Variants in GTF2F2 observed in about 807,000 individuals in gnomAD.
GTF2F2 encodes the protein ATP-dependent helicase GTF2F2.
A neutral mutation model predicts 42.2 loss-of-function variants in GTF2F2; 23 were observed. That is an observed-to-expected ratio of 0.55 (90% CI 0.39 to 0.77). GTF2F2 has a LOEUF of 0.77. Among genes scored for constraint, GTF2F2 ranks in the 30% least tolerant of loss-of-function variants. The pLI, the probability that GTF2F2 is intolerant of heterozygous loss-of-function variation, is 0.00. For missense variants in GTF2F2, 261 were observed against 287.2 expected (o/e 0.91, Z 0.66); for synonymous variants, 105 against 100.8 (o/e 1.04, Z -0.25).
chr13:45,164,340 T>A (rs1871167520), intron 4 of GTF2F2, among the ~76,000 whole-genome samples: 1 of 152,046 alleles, frequency 6.6e-6, no homozygotes, highest in South Asian at 2.1e-4. Flanking sequence ...AGTAATTCCC[T>A]TGGAACAAAG....
At chr13:45,200,163 A>T (rs1873104172) in intron 4 of GTF2F2, among the ~76,000 whole-genome samples, 1 of 152,144 alleles carries the variant, frequency 6.6e-6, no homozygotes. Context: ...GAAATATTTG[A>T]GCAGCTCTGT....
At chr13:45,276,466 C>T (rs1877040418) in intron 7 of GTF2F2, among the ~76,000 whole-genome samples, 1 of 147,302 alleles carries the variant, frequency 6.8e-6, no homozygotes, top group Admixed American at 6.7e-5. Flanking sequence ...GATGGAGTCT[C>T]GCTCTTACCA....
intron 4 of GTF2F2, among the ~76,000 whole-genome samples, chr13:45,165,333 T>TATATA (rs1566120046): frequency 1.5e-5 from 2 of 129,314 alleles, no homozygotes; most frequent in Admixed American, 7.5e-5. Context: ...ATATATATAT[T>TATATA]TTTTTTTTCT....
rs762824433 is a variant in GTF2F2 at position 45,235,193 on chromosome 13, TAG to T, written c.387-17677_387-17676del. Among the ~76,000 whole-genome samples the T allele has an allele frequency of 7.0e-4, 106 of 151,996 alleles. 1 individual carries two copies. Among genetic ancestry groups the T allele is most frequent in the Non-Finnish European group, 1.9e-4 (13 of 68,004 alleles). The stretch of plus-strand genomic sequence containing the variant: ...GTCAATATGGTAAACTTATAAATAT[TAG>T]TGTTTCTGTTATGAAACTGAATTAA... On this transcript the variant is annotated intron_variant, in intron 5 of 7. Transcript: ENST00000340473.
chr13:45,260,851 C>CT (rs1300456852), intron 6 of GTF2F2, among the ~76,000 whole-genome samples: 1 of 152,018 alleles, frequency 6.6e-6, no homozygotes, highest in Non-Finnish European at 1.5e-5. Context: ...GCAGTATAGC[C>CT]AGACCTACCT....
intron 4 of GTF2F2, among the ~76,000 whole-genome samples, chr13:45,161,571 G>A (rs1015420218): frequency 1.3e-5 from 2 of 152,186 alleles, no homozygotes; most frequent in Non-Finnish European, 2.9e-5. Context: ...GCCGGGCACC[G>A]TGGCTCAGGC....
rs184073135 is a variant in GTF2F2 at position 45,201,719 on chromosome 13, A to G, written c.305-5705A>G. Among the ~76,000 whole-genome samples the G allele has an allele frequency of 4.7e-3, 723 of 152,320 alleles. 2 individuals carry two copies. The highest frequency in any genetic ancestry group is 7.0e-3 in the Non-Finnish European group (477 of 68,006). ...ACTCAATAAGATTCTTTTGGTTGCA[A>G]GTAGCAGAAACCAGTCAACAAACCA... On this transcript the variant is annotated intron_variant, in intron 4 of 7. Coordinates refer to ENST00000340473, the MANE Select transcript of GTF2F2 (RefSeq NM_004128.3).
chr13:45,177,498 C>T (rs1314571249), intron 4 of GTF2F2, among the ~76,000 whole-genome samples: 1 of 152,190 alleles, frequency 6.6e-6, no homozygotes, highest in Non-Finnish European at 1.5e-5. Flanking sequence ...TGTGAATCCT[C>T]CCTTTGTCCA....
At chr13:45,165,572 C>G (rs562455333) in intron 4 of GTF2F2, among the ~76,000 whole-genome samples, 1,797 of 150,600 alleles carry the variant, frequency 0.012, 38 homozygotes, top group African/African-American at 0.037. Flanking sequence ...CCCTCGCCCC[C>G]CCCCGCCGCC....
At chr13:45,238,949 A>G (rs1875142190) in intron 5 of GTF2F2, among the ~76,000 whole-genome samples, 1 of 151,768 alleles carries the variant, frequency 6.6e-6, no homozygotes, top group Admixed American at 6.6e-5. Context: ...CATCTCGAAA[A>G]AAAAAAAAAA....
chr13:45,194,107 C>T, intron 4 of GTF2F2: 1 of 1,614,048 alleles, frequency 6.2e-7, no homozygotes, highest in Non-Finnish European at 8.5e-7. Flanking sequence ...GATTCTTAAT[C>T]CTTGTGAACG....
intron 4 of GTF2F2, among the ~76,000 whole-genome samples, chr13:45,181,834 T>G (rs1287484831): frequency 2.0e-5 from 3 of 152,172 alleles, no homozygotes. Context: ...TTGAGCACAT[T>G]GTGTTAGCTT....
intron 4 of GTF2F2, chr13:45,206,658 G>A (rs1303163879): frequency 6.6e-6 from 1 of 152,144 alleles, no homozygotes; most frequent in African/African-American, 2.4e-5. Flanking sequence ...ATAAGGTAAG[G>A]TCTGTCAAGT....
At chr13:45,130,989 ATG>A in intron 1 of GTF2F2, among the ~76,000 whole-genome samples, 1 of 152,342 alleles carries the variant, frequency 6.6e-6, no homozygotes, top group Non-Finnish European at 1.5e-5. Context: ...ACGGTGGCCT[ATG>A]CCTGTAATCC....
rs564976383 is a variant in GTF2F2 at position 45,275,869 on chromosome 13, A to G, written c.631-7573A>G. Among the ~76,000 whole-genome samples, 6 of 152,314 alleles carry G rather than the reference A, an allele frequency of 3.9e-5. No homozygotes were observed. In the East Asian group the frequency reaches 1.2e-3, roughly 29 times the overall value. ...TATTTCTAGTTCTAGATCCTTGAGGAATCGCCACACTGTCTTCCACAATGG... is the reference window on the plus strand; with the variant it reads ...TATTTCTAGTTCTAGATCCTTGAGGGATCGCCACACTGTCTTCCACAATGG... On this transcript the variant is annotated intron_variant, in intron 7 of 7. Transcript: ENST00000340473.
chr13:45,173,612 A>ATTT lies in GTF2F2; in HGVS notation c.304+21802_304+21804dup, dbSNP rs56033747. ...TGTTCTGCATTTTTATAACTTTGTC[A>ATTT]TTTTTTTTTTTTTTTTTTTTTTTGA... On this transcript the variant is annotated intron_variant, in intron 4 of 7. Coordinates refer to ENST00000340473, the MANE Select transcript of GTF2F2 (RefSeq NM_004128.3). Among the ~76,000 whole-genome samples, 68 of 93,694 alleles carry ATTT rather than the reference A, an allele frequency of 7.3e-4. 1 individual carries two copies. Among genetic ancestry groups the ATTT allele is most frequent in the Non-Finnish European group, 1.0e-3 (52 of 50,108 alleles). 61.5% of individuals were successfully genotyped at this position (93,694 alleles called of 152,430 possible).
chr13:45,228,034 C>G (rs746757264), intron 5 of GTF2F2, among the ~76,000 whole-genome samples: 1 of 151,952 alleles, frequency 6.6e-6, no homozygotes, highest in Non-Finnish European at 1.5e-5. Flanking sequence ...TCTTGCCCAC[C>G]CCTCCTGTAG....
chr13:45,134,259 CT>C (rs1340575364), intron 1 of GTF2F2, among the ~76,000 whole-genome samples: 2 of 152,182 alleles, frequency 1.3e-5, no homozygotes, highest in Non-Finnish European at 2.9e-5. Context: ...TATCTCATCT[CT>C]GGGCACAGTG....
chr13:45,251,417 G>A (rs1390480752), intron 5 of GTF2F2, among the ~76,000 whole-genome samples: 1 of 151,818 alleles, frequency 6.6e-6, no homozygotes, highest in Non-Finnish European at 1.5e-5. Flanking sequence ...GCATTTTTGT[G>A]GTTTTCAAAT....
Sources: allele counts gnomAD v4.1 joint callset (sites outside exome capture counted in the v4.1 genomes callset), GRCh38; gene constraint gnomAD v4.1.1; transcripts MANE v1.5; gene names NCBI Gene and HGNC (gene_info 2026-07-23, HGNC 2026-07-21).